COL22A1: variants seen among roughly 807,000 people sequenced by gnomAD.
COL22A1 encodes the protein collagen alpha-1(XXII) chain.
A neutral mutation model predicts 248.9 loss-of-function variants in COL22A1; 221 were observed. The observed-to-expected ratio is 0.89, with a 90% confidence interval of 0.80 to 0.99. The LOEUF (loss-of-function observed/expected upper bound fraction) is 0.99, where lower values mean the gene tolerates loss of function less well. Ranked by LOEUF, COL22A1 falls within the 50% of genes least tolerant of loss-of-function variation. COL22A1 has a pLI of 0.00. For synonymous variants in COL22A1, 891 were observed against 793.4 expected (o/e 1.12, Z -2.07); for missense variants, 2,240 against 2,179.0 (o/e 1.03, Z -0.56).
chr8:138,677,745 G>A (rs1330927234), intron 40 of COL22A1, among the ~76,000 whole-genome samples: 18 of 152,174 alleles, frequency 1.2e-4, no homozygotes, highest in Admixed American at 5.9e-4. Context: ...TTCCAAAATC[G>A]AAATTGAATT....
intron 45 of COL22A1, among the ~76,000 whole-genome samples, chr8:138,653,342 CA>C (rs1273304502): frequency 6.6e-6 from 1 of 152,118 alleles, no homozygotes; most frequent in Non-Finnish European, 1.5e-5. Context: ...AGATAGCTGT[CA>C]GGAAGTTCTG....
chr8:138,868,022 C>T (rs1823035164), intron 3 of COL22A1, among the ~76,000 whole-genome samples: 1 of 152,148 alleles, frequency 6.6e-6, no homozygotes, highest in African/African-American at 2.4e-5. Flanking sequence ...CTTAGCCTCC[C>T]AAAGTGCTGG....
chr8:138,759,794 T>C (rs750908469), intron 18 of COL22A1, among the ~76,000 whole-genome samples: 14 of 152,270 alleles, frequency 9.2e-5, no homozygotes, highest in Non-Finnish European at 1.8e-4. Flanking sequence ...CTAGGGCATT[T>C]TCAGGATTCT....
chr8:138,692,112 G>C (rs1362712088), intron 35 of COL22A1, among the ~76,000 whole-genome samples: 1 of 94,418 alleles, frequency 1.1e-5, no homozygotes, highest in Non-Finnish European at 2.4e-5. Flanking sequence ...GTTTGTGGAG[G>C]TGTGTGTATG....
chr8:138,740,917 C>A (rs1402949353), intron 22 of COL22A1, among the ~76,000 whole-genome samples: 3 of 152,160 alleles, frequency 2.0e-5, no homozygotes, highest in Non-Finnish European at 4.4e-5. Context: ...TAGCCACAGC[C>A]ACAGGAACCC....
chr8:138,600,404 C>G (rs1028081202), intron 60 of COL22A1, among the ~76,000 whole-genome samples: 1 of 152,158 alleles, frequency 6.6e-6, no homozygotes, highest in African/African-American at 2.4e-5. Flanking sequence ...GTCACCAAAC[C>G]GTCTCTAACA....
chr8:138,756,811 T>C (rs1833042211), intron 18 of COL22A1, among the ~76,000 whole-genome samples: 1 of 152,128 alleles, frequency 6.6e-6, no homozygotes, highest in Non-Finnish European at 1.5e-5. Context: ...CAATGTATCT[T>C]CCAATGCCCT....
chr8:138,752,393 G>GT (rs1832675557), intron 21 of COL22A1, among the ~76,000 whole-genome samples: 1 of 152,300 alleles, frequency 6.6e-6, no homozygotes, highest in Admixed American at 6.5e-5. Context: ...TAAATTTTGC[G>GT]TAACTGTACG....
intron 5 of COL22A1, chr8:138,827,395 G>C (rs3750283): frequency 0.53 from 82,101 of 154,806 alleles, 22,258 homozygotes; most frequent in East Asian, 0.67. Context: ...CCCACCATGT[G>C]AGAGTACAGG....
intron 30 of COL22A1, among the ~76,000 whole-genome samples, chr8:138,707,629 C>T (rs1351999026): frequency 5.3e-5 from 8 of 152,134 alleles, no homozygotes; most frequent in African/African-American, 7.2e-5. Context: ...ATTGATGGGA[C>T]GTATCTCAAA....
chr8:138,884,603 G>C (rs1334031359), intron 1 of COL22A1, among the ~76,000 whole-genome samples: 1 of 152,144 alleles, frequency 6.6e-6, no homozygotes, highest in African/African-American at 2.4e-5. Context: ...CCTTTGTAAA[G>C]TACCAATCTG....
rs972980018 is a variant in COL22A1, at chr8:138,725,330, C to T, written c.2193+57G>A. The T allele has an allele frequency of 1.0e-5, 16 of 1,559,826 alleles. 1 individual carries two copies. The African/African-American group carries it at 1.8e-4, about 17-fold the overall frequency. On this transcript the variant is annotated intron_variant, in intron 24 of 64. Coordinates refer to ENST00000303045, the MANE Select transcript of COL22A1 (RefSeq NM_152888.3). ...CATTCACAAAGATGTCCCCAGGTCC[C>T]ACAGGCCAGGAAACCACCATCTAAG... is the stretch of plus-strand genomic sequence containing the variant.
intron 52 of COL22A1, among the ~76,000 whole-genome samples, 193 bp downstream of exon 52, chr8:138,623,538 TC>T (rs1372398246): frequency 1.3e-5 from 2 of 151,986 alleles, no homozygotes; most frequent in African/African-American, 4.8e-5. Flanking sequence ...TGATTTCACC[TC>T]CCCGAGGCCC....
chr8:138,602,524 G>A (rs1818108715), intron 59 of COL22A1, among the ~76,000 whole-genome samples: 1 of 152,134 alleles, frequency 6.6e-6, no homozygotes, highest in Non-Finnish European at 1.5e-5. Context: ...CTAGTGCAGG[G>A]GACAGATAGT....
chr8:138,869,581 T>C (rs1823163912), intron 3 of COL22A1, among the ~76,000 whole-genome samples: 1 of 152,224 alleles, frequency 6.6e-6, no homozygotes, highest in Non-Finnish European at 1.5e-5. Flanking sequence ...TTTTTCTTCT[T>C]TGAAGTACAC....
At chr8:138,718,280 T>C (rs111342950) in intron 27 of COL22A1, among the ~76,000 whole-genome samples, 3 of 152,232 alleles carry the variant, frequency 2.0e-5, no homozygotes, top group African/African-American at 7.2e-5. Flanking sequence ...TTAGTAAGAA[T>C]TGCTCTAACC....
intron 58 of COL22A1, among the ~76,000 whole-genome samples, chr8:138,605,702 G>C (rs1200718136): frequency 6.6e-6 from 1 of 152,138 alleles, no homozygotes; most frequent in African/African-American, 2.4e-5. Flanking sequence ...CCAGGGAGTG[G>C]ACTGCAATAT....
chr8:138,900,702 T>C (rs16909781), intron 1 of COL22A1, among the ~76,000 whole-genome samples: 19,181 of 152,142 alleles, frequency 0.13, 1,524 homozygotes, highest in African/African-American at 0.21. Context: ...CACTATGCTT[T>C]GTGGTCTTTA....
intron 3 of COL22A1, among the ~76,000 whole-genome samples, chr8:138,847,799 T>TAA (rs11326722): frequency 1.9e-4 from 27 of 139,892 alleles, no homozygotes; most frequent in Non-Finnish European, 2.5e-4. Flanking sequence ...GGCATAAGAT[T>TAA]AAAAAAAAAA....
Sources: gnomAD v4.1 joint callset for allele counts (sites outside exome capture counted in the v4.1 genomes callset) on GRCh38, gnomAD v4.1.1 for gene constraint, MANE v1.5 for transcripts, NCBI Gene and HGNC (gene_info 2026-07-23, HGNC 2026-07-21) for gene names.